The following SYNPR variants were observed in gnomAD, a reference collection of about 807,000 sequenced individuals.
SYNPR encodes the protein synaptoporin.
Under a neutral mutation model 32.9 loss-of-function variants are expected in SYNPR, and 23 were observed. The ratio of observed to expected loss-of-function variants is 0.70; its 90% CI spans 0.50 to 0.99. The LOEUF (loss-of-function observed/expected upper bound fraction) is 0.99, where lower values mean the gene tolerates loss of function less well. SYNPR is among the 50% of genes least tolerant of loss of function. SYNPR has a pLI of 0.00. For synonymous variants in SYNPR, 146 were observed against 135.9 expected, an observed-to-expected ratio of 1.07 and a Z score of -0.52; for missense variants, 318 against 349.3, an observed-to-expected ratio of 0.91 and a Z score of 0.71.
chr3:63,342,313 C>T (rs370364893), intron 2 of SYNPR, among the ~76,000 whole-genome samples: 56 of 152,182 alleles, frequency 3.7e-4, no homozygotes, highest in African/African-American at 1.3e-3. Context: ...GTTTGTTTAG[C>T]GTTTTAAACT....
chr3:63,452,845 T>G (rs1384432110), intron 2 of SYNPR, among the ~76,000 whole-genome samples: 1 of 152,156 alleles, frequency 6.6e-6, no homozygotes, highest in Non-Finnish European at 1.5e-5. Flanking sequence ...GTTTATGTCC[T>G]GGTAAATACT....
At chr3:63,285,353 T>C (rs1158954868) in intron 2 of SYNPR, among the ~76,000 whole-genome samples, 2 of 138,334 alleles carry the variant, frequency 1.4e-5, no homozygotes, top group Non-Finnish European at 3.1e-5. Flanking sequence ...TTTAATCTCA[T>C]TTTTTATCTT....
At position 63,471,756 on chromosome 3, in the gene SYNPR, T is replaced by A. The variant is rs79581028; in HGVS notation, c.85-9076T>A. On this transcript the variant is annotated intron_variant, in intron 2 of 5. Transcript: ENST00000478300. Reference sequence around the variant, plus strand: ...CTTTGGGGGTGTTGAGGACTAATCATCAGTTCAAGACAAATCATGAAAGGA... The same window carrying A: ...CTTTGGGGGTGTTGAGGACTAATCAACAGTTCAAGACAAATCATGAAAGGA... 8.3e-3 allele frequency among the ~76,000 whole-genome samples: 1,270 copies of A among 152,210 alleles called. 54 individuals are homozygous for A. In the East Asian group the frequency reaches 0.13, roughly 16 times the overall value.
intron 2 of SYNPR, among the ~76,000 whole-genome samples, chr3:63,477,822 G>A (rs1469782409): frequency 1.3e-5 from 2 of 152,184 alleles, no homozygotes; most frequent in Non-Finnish European, 2.9e-5. Context: ...AGCCATGTTG[G>A]GCCCAAGAGC....
At position 63,387,709 on chromosome 3, in the gene SYNPR, G is replaced by T. The variant is rs144615245; in HGVS notation, c.85-93123G>T. Among the ~76,000 whole-genome samples, 5 of 152,282 alleles carry T rather than the reference G, an allele frequency of 3.3e-5. No individual in the cohort carries two copies. The East Asian group carries it at 9.6e-4, about 29-fold the overall frequency. ...GGTGATTCATCCTTCTAGGCCAAAAGAATAAGTGAGGGAAATAGCAAGAAA... is the reference window on the plus strand; with the variant it reads ...GGTGATTCATCCTTCTAGGCCAAAATAATAAGTGAGGGAAATAGCAAGAAA... On this transcript the variant is annotated intron_variant, in intron 2 of 5. Transcript: ENST00000478300.
chr3:63,501,445 CT>C, intron 3 of SYNPR, among the ~76,000 whole-genome samples: 1 of 146,072 alleles, frequency 6.8e-6, no homozygotes, highest in Admixed American at 7.0e-5. Flanking sequence ...TGTTAGTGCT[CT>C]CCAGCCTAGG....
chr3:63,386,631 T>TTCCTTCCTTCCTTCCTTCCTTC (rs1560212989), intron 2 of SYNPR, among the ~76,000 whole-genome samples: 4 of 79,078 alleles, frequency 5.1e-5, no homozygotes, highest in African/African-American at 2.7e-4. Context: ...TTCCTTCCTT[T>TTCCTTCCTTCCTTCCTTCCTTC]CTTTATTTTC....
intron 3 of SYNPR, among the ~76,000 whole-genome samples, chr3:63,537,572 G>A (rs1575698780): frequency 6.6e-6 from 1 of 152,128 alleles, no homozygotes; most frequent in Non-Finnish European, 1.5e-5. Context: ...CTGGCACCTG[G>A]TGGCAATTAG....
intron 4 of SYNPR, 33 bp from the exon 5 acceptor site, chr3:63,609,092 T>G (rs759845122): frequency 1.9e-6 from 3 of 1,555,054 alleles, no homozygotes; most frequent in Non-Finnish European, 2.6e-6. Flanking sequence ...CACATTTTCT[T>G]TTACCATTTT....
intron 2 of SYNPR, among the ~76,000 whole-genome samples, chr3:63,306,100 A>G (rs1477303315): frequency 6.6e-6 from 1 of 151,996 alleles, no homozygotes; most frequent in Non-Finnish European, 1.5e-5. Flanking sequence ...TGGATTCTCA[A>G]AGCACCTTTT....
chr3:63,512,378 A>C (rs536811928), intron 3 of SYNPR, among the ~76,000 whole-genome samples: 1 of 152,146 alleles, frequency 6.6e-6, no homozygotes, highest in Non-Finnish European at 1.5e-5. Flanking sequence ...AACAACAAAA[A>C]TACACATCCT....
At chr3:63,547,020 T>C (rs564386247) in intron 3 of SYNPR, among the ~76,000 whole-genome samples, 13 of 152,138 alleles carry the variant, frequency 8.5e-5, no homozygotes, top group Non-Finnish European at 1.6e-4. Flanking sequence ...CATATGGGAA[T>C]GTAGGTACAG....
chr3:63,430,555 G>A (rs1699974552), intron 2 of SYNPR, among the ~76,000 whole-genome samples: 1 of 152,162 alleles, frequency 6.6e-6, no homozygotes, highest in East Asian at 1.9e-4. Flanking sequence ...TTGCATCCCT[G>A]TAAAATGTGG....
chr3:63,454,307 CT>C (rs1700438126), intron 2 of SYNPR, among the ~76,000 whole-genome samples: 1 of 151,898 alleles, frequency 6.6e-6, no homozygotes, highest in South Asian at 2.1e-4. Context: ...CTATGTTTAC[CT>C]TTGTGAGTTT....
At chr3:63,576,184 T>C (rs545306854) in intron 4 of SYNPR, among the ~76,000 whole-genome samples, 106 of 152,292 alleles carry the variant, frequency 7.0e-4, no homozygotes, top group Middle Eastern at 3.4e-3. Context: ...CATCCCTGTA[T>C]AGCCTTTGAG....
At chr3:63,526,195 G>T (rs535693072) in intron 3 of SYNPR, among the ~76,000 whole-genome samples, 11 of 152,314 alleles carry the variant, frequency 7.2e-5, no homozygotes, top group African/African-American at 2.6e-4. Flanking sequence ...ACTTGCTGGG[G>T]TCAAACCACA....
chr3:63,443,164 C>T (rs1037192257), intron 2 of SYNPR: 25 of 1,188,566 alleles, frequency 2.1e-5, no homozygotes, highest in Middle Eastern at 3.5e-4. Flanking sequence ...AAGCAGGCAG[C>T]GTTCACCAGA....
At position 63,265,502 on chromosome 3, in the gene SYNPR, T is replaced by C. The variant is rs1011424973; in HGVS notation, n.155-1815T>C. On this transcript the variant is annotated intron_variant and non_coding_transcript_variant, in intron 2 of 4. Coordinates refer to the SYNPR transcript ENST00000478456. ...CCTGACCTCAAGTGATCCACCTGCCTCAACTTCCCAAAATGTTGGGATTAC... is the reference window on the plus strand; with the variant it reads ...CCTGACCTCAAGTGATCCACCTGCCCCAACTTCCCAAAATGTTGGGATTAC... Among the ~76,000 whole-genome samples, 10 of 152,210 alleles carry C rather than the reference T, an allele frequency of 6.6e-5. No homozygotes were observed. In the South Asian group the frequency reaches 1.2e-3, roughly 19 times the overall value.
chr3:63,331,765 A>G (rs1273522618), intron 2 of SYNPR, among the ~76,000 whole-genome samples: 1 of 152,212 alleles, frequency 6.6e-6, no homozygotes, highest in African/African-American at 2.4e-5. Context: ...AAACTGAGAG[A>G]GGTTCAGAAA....
Sources: gnomAD v4.1 joint callset for allele counts (sites outside exome capture counted in the v4.1 genomes callset) on GRCh38, gnomAD v4.1.1 for gene constraint, MANE v1.5 for transcripts, NCBI Gene and HGNC (gene_info 2026-07-23, HGNC 2026-07-21) for gene names.